GRAMD1A: variants seen among roughly 807,000 people sequenced by gnomAD.
GRAMD1A encodes the protein protein Aster-A.
Under a neutral mutation model 92.0 loss-of-function variants are expected in GRAMD1A, and 50 were observed. The ratio of observed to expected loss-of-function variants is 0.54; its 90% CI spans 0.43 to 0.69. The LOEUF (loss-of-function observed/expected upper bound fraction) is 0.69. Ranked by LOEUF, GRAMD1A falls within the 30% of genes least tolerant of loss-of-function variation. The probability of loss-of-function intolerance (pLI) is 0.00; values close to 1 mark genes in which losing one functional copy is unlikely to be tolerated. For synonymous variants in GRAMD1A, 405 were observed against 403.6 expected, an observed-to-expected ratio of 1.00 and a Z score of -0.04; for missense variants, 819 against 978.9, an observed-to-expected ratio of 0.84 and a Z score of 2.18.
chr19:35,022,676 G>A (rs546426042), intron 16 of GRAMD1A, among the ~76,000 whole-genome samples: 36 of 152,320 alleles, frequency 2.4e-4, no homozygotes, highest in South Asian at 4.1e-4. Flanking sequence ...CGGGCAGGAC[G>A]CTGGGAGGAA....
intron 1 of GRAMD1A, chr19:34,994,844 T>G (rs1348812558): frequency 3.9e-5 from 6 of 152,296 alleles, no homozygotes; most frequent in Admixed American, 1.3e-4. Context: ...ATTGGAGTAC[T>G]CGGGTGCCTG....
In GRAMD1A at chr19:35,021,955, C is replaced by A. The variant is rs1488311590; in HGVS notation, c.1758C>A (p.Ser586=). The change falls in exon 16 of 20, where the codon TCC becomes TCA. Residue 586 remains serine, a synonymous_variant. Coordinates refer to ENST00000317991, the MANE Select transcript of GRAMD1A (RefSeq NM_020895.5). The surrounding 1 kb of genome is among the most constrained non-coding windows in gnomAD (Gnocchi z 5.3). ...CTCCAAGCTGCTCTCCTGCAGGCTC[C>A]CTCAGCTCCCGCTTCTCCGAACCAT... ...CARAGIHTSG[S]LSSRFSEPSV... 2 of 1,614,052 alleles carry A rather than the reference C, an allele frequency of 1.2e-6. No individual in the cohort carries two copies. Among genetic ancestry groups the A allele is most frequent in the South Asian group, 2.2e-5 (2 of 91,050 alleles).
chr19:35,013,166 A>C lies in GRAMD1A; in HGVS notation c.607-90A>C, dbSNP rs1226549897. Reference sequence around the variant, plus strand: ...CTGCCTCCTTGTGGAAGCCAGGGGAACTGCGGAGGCCGAGGGCTGGTGGGG... The same window carrying C: ...CTGCCTCCTTGTGGAAGCCAGGGGACCTGCGGAGGCCGAGGGCTGGTGGGG... On this transcript the variant is annotated intron_variant, in intron 7 of 19. Coordinates refer to ENST00000317991, the MANE Select transcript of GRAMD1A (RefSeq NM_020895.5). The surrounding 1 kb of genome is among the most constrained non-coding windows in gnomAD (Gnocchi z 4.9). 1 of 675,828 alleles carries C rather than the reference A, an allele frequency of 1.5e-6. No homozygotes were observed. The highest frequency in any genetic ancestry group is 2.6e-6 in the Non-Finnish European group (1 of 385,166). The allele number at this position is 675,828 out of a possible 1,614,324, so 41.9% of individuals were successfully genotyped here. A position where few individuals can be genotyped will look rare whatever the true frequency, so the allele number is the denominator to read the frequency against.
chr19:35,021,873 C>T lies in GRAMD1A; in HGVS notation c.1753+9C>T, dbSNP rs748280235. The stretch of plus-strand genomic sequence containing the variant: ...CGGCATTCACACCTCGGGTACGTTC[C>T]GTTGGGGCCGGGTTGGGGTAGGCGG... On this transcript the variant is annotated intron_variant, in intron 15 of 19. Transcript: ENST00000317991. This position sits in a 1 kb window ranked among gnomAD's most constrained non-coding sequence, Gnocchi z 5.3. 1.0e-5 allele frequency: 16 copies of T among 1,604,156 alleles called. No homozygotes were observed. The South Asian group carries it at 1.0e-4, about 10-fold the overall frequency.
rs371740352 is a variant in GRAMD1A at position 35,013,677 on chromosome 19, G to A, written c.856G>A (p.Asp286Asn). ...VTPNLSRASS[D>N]ADHGAEEDKE... Reference sequence around the variant, plus strand: ...GCCCAACCTTTCCCGAGCCAGCAGCGACGCAGACCATGGGGTGAGCGGTGG... The same window carrying A: ...GCCCAACCTTTCCCGAGCCAGCAGCAACGCAGACCATGGGGTGAGCGGTGG... Residue 286 changes from aspartate to asparagine, a missense_variant, in exon 9 of 20, where the codon GAC (aspartate) becomes AAC (asparagine). By Grantham distance (23) the Asp-to-Asn change is conservative. Around this residue, in one of 3 missense-constraint regions of GRAMD1A, gnomAD observed 577 missense variants for 674.6 expected, o/e 0.86. Coordinates refer to ENST00000317991, the MANE Select transcript of GRAMD1A (RefSeq NM_020895.5). This position sits in a 1 kb window ranked among gnomAD's most constrained non-coding sequence, Gnocchi z 4.9. 143 of 1,610,848 alleles carry A rather than the reference G, an allele frequency of 8.9e-5. No homozygotes were observed. The highest frequency in any genetic ancestry group is 9.0e-5 in the Non-Finnish European group (106 of 1,178,522).
In GRAMD1A at chr19:35,000,731, C is replaced by G. The variant is rs2014302310; in HGVS notation, c.8+245C>G. Among the ~76,000 whole-genome samples, 1 of 151,764 alleles carries G rather than the reference C, an allele frequency of 6.6e-6. No individual in the cohort carries two copies. Among genetic ancestry groups the G allele is most frequent in the Non-Finnish European group, 1.5e-5 (1 of 67,910 alleles). On this transcript the variant is annotated intron_variant, in intron 1 of 19. Coordinates refer to ENST00000317991, the MANE Select transcript of GRAMD1A (RefSeq NM_020895.5). The surrounding 1 kb of genome is among the most constrained non-coding windows in gnomAD (Gnocchi z 4.9). ...GGGGTCTGGGTCGCCACTGCCGGCCCGCGACGCACTGGGTTGCGGGGTTTG... is the reference window on the plus strand; with the variant it reads ...GGGGTCTGGGTCGCCACTGCCGGCCGGCGACGCACTGGGTTGCGGGGTTTG...
chr19:35,022,091 T>G, intron 16 of GRAMD1A, 53 bp downstream of exon 16: 3 of 1,345,952 alleles, frequency 2.2e-6, no homozygotes, highest in Non-Finnish European at 3.2e-6. Flanking sequence ...GCCTCCTGGC[T>G]GTGTGACCTT....
At chr19:34,999,943 C>G, upstream of GRAMD1A, 1 of 978,290 alleles carries the variant, frequency 1.0e-6, no homozygotes, top group Non-Finnish European at 1.2e-6. Flanking sequence ...CTCGGTTTCC[C>G]AGCATCTCCA....
chr19:35,010,831 G>A (rs1193839891), intron 6 of GRAMD1A, among the ~76,000 whole-genome samples: 1 of 152,174 alleles, frequency 6.6e-6, no homozygotes, highest in East Asian at 1.9e-4. Context: ...AGGTGTAGTG[G>A]CTCATGCCTG....
At chr19:35,007,765 C>T (rs976449045) in intron 1 of GRAMD1A, among the ~76,000 whole-genome samples, 6 of 151,688 alleles carry the variant, frequency 4.0e-5, no homozygotes, top group South Asian at 2.1e-4. Context: ...CCCAGCTACC[C>T]GGGAGGCTGA....
At chr19:34,998,803 C>T (rs928452023), upstream of GRAMD1A, among the ~76,000 whole-genome samples, 1 of 131,110 alleles carries the variant, frequency 7.6e-6, no homozygotes, top group African/African-American at 3.0e-5. Flanking sequence ...TAGGGCACGG[C>T]GATAGGGGGG....
chr19:34,998,593 G>A (rs1264465692), upstream of GRAMD1A: 2 of 152,096 alleles, frequency 1.3e-5, no homozygotes, highest in African/African-American at 2.4e-5. Flanking sequence ...GTGACCCAAC[G>A]CGCCTGACCT....
At chr19:35,006,231 A>G (rs2014804041) in intron 1 of GRAMD1A, among the ~76,000 whole-genome samples, 1 of 152,306 alleles carries the variant, frequency 6.6e-6, no homozygotes, top group Non-Finnish European at 1.5e-5. Context: ...CTGAGGCAGG[A>G]GAATCACTTG....
chr19:35,020,847 G>A (rs1359910108), intron 13 of GRAMD1A, among the ~76,000 whole-genome samples: 3 of 152,162 alleles, frequency 2.0e-5, no homozygotes, highest in Non-Finnish European at 4.4e-5. Context: ...AGGTACAGGA[G>A]CAGGGAGGCC....
chr19:35,025,937 G>A (rs1033053756), intron 19 of GRAMD1A, 112 bp from the exon 20 acceptor site: 15 of 694,908 alleles, frequency 2.2e-5, no homozygotes, highest in Non-Finnish European at 3.4e-5. Flanking sequence ...CTGGGGTGGG[G>A]CAGTATGGCC....
At position 35,005,419 on chromosome 19, in the gene GRAMD1A, A is replaced by G. The variant is rs908723834; in HGVS notation, c.9-3700A>G. 2.0e-4 allele frequency among the ~76,000 whole-genome samples: 30 copies of G among 152,088 alleles called. No individual in the cohort carries two copies. In the East Asian group the frequency reaches 5.4e-3, roughly 27 times the overall value. On this transcript the variant is annotated intron_variant, in intron 1 of 19. Coordinates refer to ENST00000317991, the MANE Select transcript of GRAMD1A (RefSeq NM_020895.5). ...ATGTGGATGTGGATGTCTGGGAGGAAGGGCATTTTGAGCAGAGGCACCGAC... is the reference window on the plus strand; with the variant it reads ...ATGTGGATGTGGATGTCTGGGAGGAGGGGCATTTTGAGCAGAGGCACCGAC...
intron 18 of GRAMD1A, 25 bp downstream of exon 18, chr19:35,023,368 G>T: frequency 6.2e-7 from 1 of 1,613,898 alleles, no homozygotes; most frequent in South Asian, 1.1e-5. Flanking sequence ...TGGGGAAATG[G>T]GGGGGCTTGG....
At chr19:35,006,351 G>T (rs1440688366) in intron 1 of GRAMD1A, among the ~76,000 whole-genome samples, 2 of 152,146 alleles carry the variant, frequency 1.3e-5, no homozygotes, top group Non-Finnish European at 2.9e-5. Context: ...AAAGAAACCA[G>T]GCCCGTATCC....
intron 7 of GRAMD1A, among the ~76,000 whole-genome samples, chr19:35,011,805 C>T (rs773709917): frequency 2.6e-5 from 4 of 152,226 alleles, no homozygotes; most frequent in Non-Finnish European, 4.4e-5. Context: ...GAAGGACATC[C>T]AGGTTCCACT....
Sources: gnomAD v4.1 joint callset for allele counts (sites outside exome capture counted in the v4.1 genomes callset) on GRCh38, gnomAD v4.1.1 for gene constraint, gnomAD v4.1.1 regional missense constraint, Gnocchi (gnomAD v3.1) non-coding constraint, MANE v1.5 for transcripts, NCBI Gene and HGNC (gene_info 2026-07-23, HGNC 2026-07-21) for gene names.